GLCE: variants seen among roughly 807,000 people sequenced by gnomAD.
GLCE encodes the protein glucuronic acid epimerase.
GLCE carries 19 observed loss-of-function variants against 47.9 expected under a neutral mutation model. The observed-to-expected ratio is 0.40, with a 90% CI of 0.28 to 0.58. The LOEUF (loss-of-function observed/expected upper bound fraction) is 0.58, where lower values mean the gene tolerates loss of function less well. GLCE is among the 20% of genes least tolerant of loss of function. The probability of loss-of-function intolerance (pLI) is 0.48; values close to 1 mark genes in which losing one functional copy is unlikely to be tolerated. For missense variants in GLCE, 556 were observed against 743.3 expected (o/e 0.75, Z 2.93); for synonymous variants, 245 against 263.4 (o/e 0.93, Z 0.68).
rs1399700336 is a variant in GLCE, at chr15:69,269,891, A to G, written c.*647A>G. Reference sequence around the variant, plus strand: ...CAGGCTTCAGTTATATAATGTAAGCACAACTAAAATGAAACTTGTTGACTG... The same window carrying G: ...CAGGCTTCAGTTATATAATGTAAGCGCAACTAAAATGAAACTTGTTGACTG... On this transcript the variant is annotated 3_prime_UTR_variant, in exon 5 of 5. Coordinates refer to ENST00000261858, the MANE Select transcript of GLCE (RefSeq NM_015554.3). 6.5e-6 allele frequency: 1 copy of G among 152,688 alleles called. No homozygotes were observed. The highest frequency in any genetic ancestry group is 2.4e-5 in the African/African-American group (1 of 41,470). 9.5% of individuals were successfully genotyped at this position (152,688 alleles called of 1,614,324 possible).
At chr15:69,187,425 T>A (rs2051840576) in intron 1 of GLCE, among the ~76,000 whole-genome samples, 1 of 152,204 alleles carries the variant, frequency 6.6e-6, no homozygotes, top group Non-Finnish European at 1.5e-5. Context: ...CCCTTCAACC[T>A]GGTGAGAGAG....
intron 3 of GLCE, among the ~76,000 whole-genome samples, chr15:69,260,256 T>G (rs1262379193): frequency 1.4e-5 from 2 of 139,764 alleles, no homozygotes; most frequent in Non-Finnish European, 3.1e-5. Flanking sequence ...CAACTGGTTT[T>G]TTTTTTTTTT....
chr15:69,198,641 AAG>A (rs1400528953), intron 1 of GLCE, among the ~76,000 whole-genome samples: 5 of 152,170 alleles, frequency 3.3e-5, no homozygotes, highest in African/African-American at 4.8e-5. Flanking sequence ...GTGCCAGCAA[AAG>A]AGAGTGCTAG....
chr15:69,249,370 C>T (rs1160600356), intron 2 of GLCE, among the ~76,000 whole-genome samples: 1 of 151,982 alleles, frequency 6.6e-6, no homozygotes, highest in Non-Finnish European at 1.5e-5. Context: ...ATTATTTTTT[C>T]TGCCTGCGAA....
chr15:69,228,272 T>G (rs968153452), intron 2 of GLCE, among the ~76,000 whole-genome samples: 9 of 152,218 alleles, frequency 5.9e-5, no homozygotes, highest in Non-Finnish European at 1.2e-4. Context: ...CTATATTAAT[T>G]GTATCAGACA....
At chr15:69,186,393 C>G (rs999290122) in intron 1 of GLCE, among the ~76,000 whole-genome samples, 1 of 152,068 alleles carries the variant, frequency 6.6e-6, no homozygotes, top group Non-Finnish European at 1.5e-5. Context: ...GAGCCAGGAA[C>G]CATGAATGAA....
At chr15:69,167,861 T>C (rs1159835043) in intron 1 of GLCE, among the ~76,000 whole-genome samples, 1 of 150,410 alleles carries the variant, frequency 6.6e-6, no homozygotes, top group South Asian at 2.1e-4. Context: ...CTTTTACTAA[T>C]CTTACCTTGC....
intron 1 of GLCE, among the ~76,000 whole-genome samples, 182 bp from the exon 2 acceptor site, chr15:69,210,134 C>T (rs764179432): frequency 6.6e-6 from 1 of 152,072 alleles, no homozygotes; most frequent in Non-Finnish European, 1.5e-5. Flanking sequence ...GTGGTTGCTT[C>T]AGTGGTACAT....
intron 1 of GLCE, among the ~76,000 whole-genome samples, chr15:69,179,295 G>A (rs2140338458): frequency 6.6e-6 from 1 of 152,284 alleles, no homozygotes; most frequent in South Asian, 2.1e-4. Context: ...AGAATTTGTA[G>A]TATGTAATTA....
At chr15:69,191,515 G>T (rs2051913478) in intron 1 of GLCE, among the ~76,000 whole-genome samples, 1 of 152,122 alleles carries the variant, frequency 6.6e-6, no homozygotes, top group Non-Finnish European at 1.5e-5. Context: ...AATCATGCAG[G>T]ATACATTTAA....
At chr15:69,172,298 C>T (rs1452284422) in intron 1 of GLCE, among the ~76,000 whole-genome samples, 2 of 152,150 alleles carry the variant, frequency 1.3e-5, no homozygotes, top group African/African-American at 4.8e-5. Flanking sequence ...ATCGAACACA[C>T]GTGTTGTCGG....
intron 3 of GLCE, among the ~76,000 whole-genome samples, chr15:69,258,040 G>A (rs1358753120): frequency 6.6e-6 from 1 of 151,034 alleles, no homozygotes; most frequent in African/African-American, 2.4e-5. Flanking sequence ...GTGCAGTTTT[G>A]TTATATAGGT....
intron 4 of GLCE, among the ~76,000 whole-genome samples, chr15:69,264,526 T>C (rs1595791995): frequency 6.6e-6 from 1 of 152,186 alleles, no homozygotes; most frequent in Non-Finnish European, 1.5e-5. Flanking sequence ...TTTGAGGTTA[T>C]TGATTTCATT....
At chr15:69,201,376 AT>A (rs2052074715) in intron 1 of GLCE, among the ~76,000 whole-genome samples, 1 of 151,664 alleles carries the variant, frequency 6.6e-6, no homozygotes. Context: ...TATACAACAA[AT>A]TTTTTTTAGT....
chr15:69,199,076 G>T (rs994726064), intron 1 of GLCE, among the ~76,000 whole-genome samples: 3 of 152,136 alleles, frequency 2.0e-5, no homozygotes, highest in Non-Finnish European at 4.4e-5. Flanking sequence ...AAGAGGGCTG[G>T]TCAAGGGTAA....
intron 2 of GLCE, among the ~76,000 whole-genome samples, chr15:69,248,030 A>AT (rs2052779473): frequency 6.6e-6 from 1 of 152,090 alleles, no homozygotes; most frequent in Non-Finnish European, 1.5e-5. Flanking sequence ...TTTCCTTGGG[A>AT]TTTTTTTCCT....
At chr15:69,193,338 G>A (rs2140354935) in intron 1 of GLCE, among the ~76,000 whole-genome samples, 1 of 152,162 alleles carries the variant, frequency 6.6e-6, no homozygotes, top group South Asian at 2.1e-4. Flanking sequence ...GGTTGTTAGG[G>A]AGAAGGATAT....
chr15:69,269,649 C>T lies in GLCE; in HGVS notation c.*405C>T, dbSNP rs187289500. 359 of 161,354 alleles carry T rather than the reference C, an allele frequency of 2.2e-3. 1 individual carries two copies. In the Middle Eastern group the frequency reaches 0.025, roughly 11 times the overall value. 10.0% of individuals were successfully genotyped at this position (161,354 alleles called of 1,614,324 possible). A position where few individuals can be genotyped will look rare whatever the true frequency, so the allele number is the denominator to read the frequency against. On this transcript the variant is annotated 3_prime_UTR_variant, in exon 5 of 5. Coordinates refer to ENST00000261858, the MANE Select transcript of GLCE (RefSeq NM_015554.3). ...TGATTATTTATATTTATGTTGAAAG[C>T]GGACTTTAAAAAAAATAATGTGCTG...
chr15:69,164,829 T>C (rs1427709226), intron 1 of GLCE, among the ~76,000 whole-genome samples: 2 of 152,152 alleles, frequency 1.3e-5, no homozygotes, highest in Non-Finnish European at 2.9e-5. Flanking sequence ...AGCATTATTA[T>C]TTTTAGTTCC....
Sources: allele counts gnomAD v4.1 joint callset (sites outside exome capture counted in the v4.1 genomes callset), GRCh38; gene constraint gnomAD v4.1.1; transcripts MANE v1.5; gene names NCBI Gene and HGNC (gene_info 2026-07-23, HGNC 2026-07-21).